PMFBP1: variants seen among roughly 807,000 people sequenced by gnomAD.
The protein encoded by PMFBP1 is polyamine modulated factor 1 binding protein 1.
In PMFBP1, 131 loss-of-function variants were observed where a neutral mutation model predicts 137.8. The observed-to-expected ratio is 0.95, with a 90% CI of 0.82 to 1.10. The LOEUF (loss-of-function observed/expected upper bound fraction) is 1.10. PMFBP1 is among the 50% of genes least tolerant of loss of function. The pLI, the probability that PMFBP1 is intolerant of heterozygous loss-of-function variation, is 0.00. For synonymous variants in PMFBP1, 490 were observed against 450.4 expected, an observed-to-expected ratio of 1.09 and a Z score of -1.11; for missense variants, 1,199 against 1,175.4, an observed-to-expected ratio of 1.02 and a Z score of -0.29.
At chr16:72,197,198 T>G in the PMFBP1 span, among the ~76,000 whole-genome samples, 2 of 152,166 alleles carry the variant, frequency 1.3e-5, no homozygotes, top group South Asian at 2.1e-4. Flanking sequence ...CTGTGAGTCA[T>G]GGGATGCCCT....
At chr16:72,211,528 C>T in the PMFBP1 span, among the ~76,000 whole-genome samples, 2 of 152,014 alleles carry the variant, frequency 1.3e-5, no homozygotes, top group South Asian at 4.2e-4. Flanking sequence ...TGAGGAAAAC[C>T]TCTGAATGAA....
chr16:72,141,052 A>T (rs1408592412), intron 5 of PMFBP1, among the ~76,000 whole-genome samples: 1 of 146,388 alleles, frequency 6.8e-6, no homozygotes, highest in African/African-American at 2.6e-5. Context: ...CTCCTGCCTC[A>T]GCCCCCCAAA....
At chr16:72,244,574 A>G in the PMFBP1 span, among the ~76,000 whole-genome samples, 11 of 152,224 alleles carry the variant, frequency 7.2e-5, no homozygotes, top group African/African-American at 2.4e-4. Context: ...GATTCCAGCC[A>G]CATAAAACAA....
chr16:72,225,131 C>G, the PMFBP1 span: 8 of 152,270 alleles, frequency 5.3e-5, no homozygotes, highest in African/African-American at 1.9e-4. Flanking sequence ...TTTGCTCCAC[C>G]ATACTTTATC....
intron 9 of PMFBP1, among the ~76,000 whole-genome samples, chr16:72,133,369 G>T (rs545605099): frequency 3.9e-5 from 6 of 152,120 alleles, no homozygotes; most frequent in Non-Finnish European, 7.4e-5. Flanking sequence ...ATTAGAGACG[G>T]GGTTTCACCA....
the PMFBP1 span, among the ~76,000 whole-genome samples, chr16:72,244,463 C>T: frequency 2.6e-5 from 4 of 152,156 alleles, no homozygotes; most frequent in African/African-American, 9.7e-5. Context: ...GTTGAAAATA[C>T]GTCCCCTCTC....
chr16:72,140,920 A>T (rs966501064), intron 5 of PMFBP1, among the ~76,000 whole-genome samples: 3 of 143,280 alleles, frequency 2.1e-5, no homozygotes, highest in Non-Finnish European at 4.6e-5. Context: ...TTTCTTACAC[A>T]AATGAGTCTT....
At chr16:72,239,558 A>G in the PMFBP1 span, among the ~76,000 whole-genome samples, 3 of 152,056 alleles carry the variant, frequency 2.0e-5, no homozygotes, top group Non-Finnish European at 4.4e-5. Flanking sequence ...TTGGTTTACA[A>G]TCATGTCTGG....
the PMFBP1 span, among the ~76,000 whole-genome samples, chr16:72,186,206 G>A: frequency 2.6e-5 from 4 of 152,278 alleles, no homozygotes; most frequent in South Asian, 6.2e-4. Flanking sequence ...TGCTGGGTAT[G>A]GTTCAGCTCT....
At chr16:72,156,988 C>G (rs1219095871) in intron 3 of PMFBP1, among the ~76,000 whole-genome samples, 1 of 151,436 alleles carries the variant, frequency 6.6e-6, no homozygotes, top group Non-Finnish European at 1.5e-5. Flanking sequence ...GAGATCGAGA[C>G]CATCCTGGCT....
At chr16:72,216,985 A>G in the PMFBP1 span, among the ~76,000 whole-genome samples, 1 of 152,048 alleles carries the variant, frequency 6.6e-6, no homozygotes, top group Non-Finnish European at 1.5e-5. Flanking sequence ...TCATCCAGAG[A>G]CCCCGGACTC....
the PMFBP1 span, among the ~76,000 whole-genome samples, chr16:72,220,855 C>T: frequency 1.3e-5 from 2 of 152,174 alleles, no homozygotes; most frequent in African/African-American, 4.8e-5. Context: ...CTTCCAGTTG[C>T]ATTTTTCCCT....
At position 72,129,238 on chromosome 16, in the gene PMFBP1, A is replaced by G. The variant is rs778223645; in HGVS notation, c.1783-5T>C. 1.2e-6 allele frequency: 2 copies of G among 1,608,914 alleles called. No homozygotes were observed. Among genetic ancestry groups the G allele is most frequent in the East Asian group, 2.2e-5 (1 of 44,890 alleles). ...GATGGAGCCTTGCTCCCTGTGCTGA[A>G]AAAATAAAGACTGAGCTGAAAGACT... On this transcript the variant is annotated splice_polypyrimidine_tract_variant and splice_region_variant and intron_variant, in intron 12 of 20. Transcript: ENST00000237353.
Position 72,140,390 on chromosome 16 carries a change from T to A in PMFBP1, c.807+22A>T, listed in dbSNP as rs1451711823. ...CTTGATTGAGGGTCTCCCAGAGACA[T>A]GTTCTAGAAGAAGGCACTTACCAAA... On this transcript the variant is annotated intron_variant, in intron 6 of 20. Transcript: ENST00000237353. 3.1e-6 allele frequency: 5 copies of A among 1,594,674 alleles called. No individual in the cohort carries two copies. In the South Asian group the frequency reaches 3.3e-5, roughly 11 times the overall value.
chr16:72,148,745 T>C (rs1327390055), intron 5 of PMFBP1, among the ~76,000 whole-genome samples: 1 of 152,144 alleles, frequency 6.6e-6, no homozygotes, highest in Non-Finnish European at 1.5e-5. Flanking sequence ...ATATGACCAA[T>C]ATGCTTATGA....
At chr16:72,164,536 A>T (rs1389608742) in intron 3 of PMFBP1, 2 of 1,367,132 alleles carry the variant, frequency 1.5e-6, no homozygotes, top group Admixed American at 4.0e-5. Flanking sequence ...CGTGCCTAGG[A>T]TGTACATGAC....
At chr16:72,135,405 CG>C (rs2144314349) in intron 9 of PMFBP1, among the ~76,000 whole-genome samples, 1 of 146,902 alleles carries the variant, frequency 6.8e-6, no homozygotes, top group Admixed American at 7.0e-5. Context: ...TAAGTAGAGA[CG>C]GGGTTTCACC....
the PMFBP1 span, among the ~76,000 whole-genome samples, chr16:72,195,615 G>C: frequency 6.6e-6 from 1 of 152,224 alleles, no homozygotes; most frequent in Non-Finnish European, 1.5e-5. Context: ...CAAGCTAAGT[G>C]AAAAACAGAC....
intron 3 of PMFBP1, among the ~76,000 whole-genome samples, chr16:72,163,395 C>T (rs1368939852): frequency 6.6e-6 from 1 of 152,250 alleles, no homozygotes; most frequent in African/African-American, 2.4e-5. Context: ...GAAATTATCT[C>T]AGCTGATGAA....
Sources: gnomAD v4.1 joint callset for allele counts (sites outside exome capture counted in the v4.1 genomes callset) on GRCh38, gnomAD v4.1.1 for gene constraint, MANE v1.5 for transcripts, NCBI Gene and HGNC (gene_info 2026-07-23, HGNC 2026-07-21) for gene names.